The following TMEM117 variants were observed in gnomAD, a reference collection of about 807,000 sequenced individuals.
TMEM117 encodes the protein transmembrane protein 117.
A neutral mutation model predicts 52.4 loss-of-function variants in TMEM117; 27 were observed. The ratio of observed to expected loss-of-function variants is 0.51; its 90% CI spans 0.38 to 0.71. TMEM117 has a LOEUF of 0.71. Ranked by LOEUF, TMEM117 falls within the 30% of genes least tolerant of loss-of-function variation. The probability of loss-of-function intolerance (pLI) is 0.00; values close to 1 mark genes in which losing one functional copy is unlikely to be tolerated. For missense variants in TMEM117, 556 were observed against 630.5 expected (o/e 0.88, Z 1.26); for synonymous variants, 215 against 206.3 (o/e 1.04, Z -0.36).
intron 4 of TMEM117, among the ~76,000 whole-genome samples, chr12:44,172,510 C>G (rs1395451959): frequency 6.6e-6 from 1 of 152,158 alleles, no homozygotes; most frequent in Non-Finnish European, 1.5e-5. Context: ...ATTAGGACAC[C>G]AGTCATATTG....
At chr12:43,837,844 A>G (rs75567241) in intron 1 of TMEM117, among the ~76,000 whole-genome samples, 2,073 of 152,296 alleles carry the variant, frequency 0.014, 34 homozygotes, top group African/African-American at 0.048. Context: ...TGCATTGATT[A>G]AGCAATTTGT....
In TMEM117 at chr12:43,937,761, ATAACT is replaced by A. The variant is rs571614264; in HGVS notation, c.278-6445_278-6441del. Among the ~76,000 whole-genome samples the A allele has an allele frequency of 8.5e-5, 13 of 152,260 alleles. No homozygotes were observed. The South Asian group carries it at 2.5e-3, about 29-fold the overall frequency. On this transcript the variant is annotated intron_variant, in intron 2 of 7. Transcript: ENST00000266534. The stretch of plus-strand genomic sequence containing the variant: ...TTTTTTTTTAAAATCCACTGGACAA[ATAACT>A]TAAGACATACTGTGTGCCAGGTACT...
chr12:43,912,602 A>C (rs902276650), intron 2 of TMEM117, among the ~76,000 whole-genome samples: 2 of 148,342 alleles, frequency 1.3e-5, no homozygotes, highest in African/African-American at 5.2e-5. Context: ...TATCCTTGGC[A>C]CTTTTAAGAG....
intron 2 of TMEM117, among the ~76,000 whole-genome samples, chr12:43,913,191 A>G (rs1609549): frequency 0.72 from 109,020 of 152,054 alleles, 42,189 homozygotes; most frequent in East Asian, 0.87. Flanking sequence ...CTCATTCATG[A>G]ACTGTCTATG....
chr12:44,398,227 C>T, the TMEM117 span, among the ~76,000 whole-genome samples: 2 of 152,120 alleles, frequency 1.3e-5, no homozygotes, highest in South Asian at 2.1e-4. Flanking sequence ...ACTGCAGGTT[C>T]CTCTGTTTGA....
At chr12:44,284,182 G>A (rs995977001) in intron 5 of TMEM117, among the ~76,000 whole-genome samples, 4 of 152,026 alleles carry the variant, frequency 2.6e-5, no homozygotes, top group South Asian at 2.1e-4. Flanking sequence ...GCATGGTGGC[G>A]CAGCCTGTAG....
At chr12:44,289,374 A>G (rs1161676784) in intron 5 of TMEM117, among the ~76,000 whole-genome samples, 1 of 151,980 alleles carries the variant, frequency 6.6e-6, no homozygotes, top group Non-Finnish European at 1.5e-5. Context: ...TATCTCATCA[A>G]GATACTGACT....
At position 44,129,534 on chromosome 12, in the gene TMEM117, C is replaced by T. The variant is rs552019792; in HGVS notation, c.411-13991C>T. Among the ~76,000 whole-genome samples, 13 of 152,270 alleles carry T rather than the reference C, an allele frequency of 8.5e-5. No individual in the cohort carries two copies. In the South Asian group the frequency reaches 2.7e-3, roughly 32 times the overall value. On this transcript the variant is annotated intron_variant, in intron 3 of 7. Transcript: ENST00000266534. ...AACCCAGAGAACTACCGGGAAATTA[C>T]CAAAGTGATTCCTCATGGAACCCAG...
intron 3 of TMEM117, among the ~76,000 whole-genome samples, chr12:44,053,960 G>A (rs1159553111): frequency 6.6e-6 from 1 of 152,112 alleles, no homozygotes; most frequent in Admixed American, 6.5e-5. Context: ...TTTAAATTTG[G>A]GTGTGATTAG....
chr12:44,372,668 T>G (rs1014506359), intron 6 of TMEM117, among the ~76,000 whole-genome samples: 5 of 151,700 alleles, frequency 3.3e-5, no homozygotes, highest in African/African-American at 1.2e-4. Flanking sequence ...TGGTGATGAC[T>G]GCCTTCAGTG....
chr12:43,820,465 A>G, the TMEM117 span, among the ~76,000 whole-genome samples: 2 of 151,028 alleles, frequency 1.3e-5, no homozygotes, highest in African/African-American at 4.9e-5. Flanking sequence ...AGTAGAGACG[A>G]GGTTTCACCG....
chr12:44,083,389 GTTT>G (rs1160025038), intron 3 of TMEM117, among the ~76,000 whole-genome samples: 5 of 80,398 alleles, frequency 6.2e-5, no homozygotes, highest in African/African-American at 2.8e-4. Flanking sequence ...GGTATTGTTA[GTTT>G]TTTTTTTTTT....
intron 3 of TMEM117, among the ~76,000 whole-genome samples, chr12:44,003,083 T>C (rs1946140358): frequency 6.6e-6 from 1 of 152,204 alleles, no homozygotes; most frequent in Non-Finnish European, 1.5e-5. Context: ...TGCCCATTCT[T>C]CTGGGAACAG....
At chr12:44,318,404 T>C (rs1405120097) in intron 6 of TMEM117, 1 of 151,570 alleles carries the variant, frequency 6.6e-6, no homozygotes, top group East Asian at 1.9e-4. Context: ...TCCAGGAGAG[T>C]AGGTGCTCTG....
intron 3 of TMEM117, among the ~76,000 whole-genome samples, chr12:44,137,794 C>T (rs1050116467): frequency 6.6e-6 from 1 of 152,134 alleles, no homozygotes; most frequent in Non-Finnish European, 1.5e-5. Flanking sequence ...CTGGGTCCCT[C>T]CCACAACACG....
intron 3 of TMEM117, among the ~76,000 whole-genome samples, chr12:44,061,565 T>C (rs1165744574): frequency 6.6e-6 from 1 of 152,148 alleles, no homozygotes; most frequent in East Asian, 1.9e-4. Context: ...CTATGCTTCA[T>C]GGTACGTGAC....
At chr12:44,221,895 C>T (rs1949793765) in intron 5 of TMEM117, among the ~76,000 whole-genome samples, 1 of 152,042 alleles carries the variant, frequency 6.6e-6, no homozygotes, top group South Asian at 2.1e-4. Flanking sequence ...GACGGGATTT[C>T]ACCATGTTGG....
the TMEM117 span, chr12:43,806,480 G>A: frequency 1.2e-6 from 1 of 860,142 alleles, no homozygotes; most frequent in Non-Finnish European, 1.5e-6. Context: ...TCTCTGCTTG[G>A]GGTCCTGCTT....
chr12:43,873,674 C>A (rs1040371713), intron 2 of TMEM117, among the ~76,000 whole-genome samples: 1 of 150,940 alleles, frequency 6.6e-6, no homozygotes, highest in African/African-American at 2.4e-5. Context: ...CAGTTTCTAC[C>A]TATTTTTACT....
Sources: gnomAD v4.1 joint callset for allele counts (sites outside exome capture counted in the v4.1 genomes callset) on GRCh38, gnomAD v4.1.1 for gene constraint, MANE v1.5 for transcripts, NCBI Gene and HGNC (gene_info 2026-07-23, HGNC 2026-07-21) for gene names.